The following GDA variants were observed in gnomAD, a reference collection of about 807,000 sequenced individuals.
GDA encodes the protein guanine deaminase.
A neutral mutation model predicts 59.6 loss-of-function variants in GDA; 18 were observed. The ratio of observed to expected loss-of-function variants is 0.30; its 90% CI spans 0.21 to 0.45. The LOEUF is 0.45. Ranked by LOEUF, GDA falls within the 20% of genes least tolerant of loss-of-function variation. The pLI is 1.00. For missense variants in GDA, 427 were observed against 552.3 expected (o/e 0.77, Z 2.27); for synonymous variants, 201 against 201.1 (o/e 1.00, Z 0.00).
In GDA at chr9:72,198,262, G is replaced by A. The variant is rs1239111869; in HGVS notation, c.212+2674G>A. Among the ~76,000 whole-genome samples the A allele has an allele frequency of 4.6e-5, 7 of 151,330 alleles. No individual in the cohort carries two copies. The South Asian group carries it at 6.3e-4, about 14-fold the overall frequency. Reference sequence around the variant, plus strand: ...TACAAAAATTAGCCAGGTGTGGGCCGGGTGCGGTGGCTCACACCTGTAATC... The same window carrying A: ...TACAAAAATTAGCCAGGTGTGGGCCAGGTGCGGTGGCTCACACCTGTAATC... On this transcript the variant is annotated intron_variant, in intron 2 of 13. Transcript: ENST00000358399.
intron 9 of GDA, among the ~76,000 whole-genome samples, chr9:72,230,033 C>A (rs1838137595): frequency 6.6e-6 from 1 of 152,204 alleles, no homozygotes; most frequent in African/African-American, 2.4e-5. Flanking sequence ...GGACACATTT[C>A]TGTTTAAATG....
intron 1 of GDA, among the ~76,000 whole-genome samples, chr9:72,190,579 T>C (rs373448173): frequency 2.6e-5 from 4 of 152,236 alleles, no homozygotes; most frequent in African/African-American, 9.6e-5. Flanking sequence ...GTTAAGTTTC[T>C]GGGAAGTCAA....
intron 2 of GDA, among the ~76,000 whole-genome samples, chr9:72,199,677 T>A (rs1833688465): frequency 6.6e-6 from 1 of 152,202 alleles, no homozygotes; most frequent in Non-Finnish European, 1.5e-5. Context: ...AAGAGCTAAA[T>A]CTTTCCAAAA....
intron 2 of GDA, chr9:72,197,614 C>T (rs1263947716): frequency 6.6e-6 from 1 of 151,906 alleles, no homozygotes; most frequent in East Asian, 1.9e-4. Context: ...GAAATTAAAT[C>T]CATCAGAAAT....
chr9:72,132,271 C>T (rs1433857821), intron 1 of GDA, among the ~76,000 whole-genome samples: 1 of 152,106 alleles, frequency 6.6e-6, no homozygotes, highest in East Asian at 1.9e-4. Context: ...GGTGCCCAAC[C>T]ACGGTGGGGT....
chr9:72,233,159 A>G (rs977003368), intron 10 of GDA, among the ~76,000 whole-genome samples: 3 of 152,220 alleles, frequency 2.0e-5, no homozygotes, highest in Non-Finnish European at 4.4e-5. Context: ...AGATTATTAT[A>G]CCTCATACTA....
At chr9:72,236,693 T>C (rs1355753835) in intron 10 of GDA, among the ~76,000 whole-genome samples, 1 of 152,090 alleles carries the variant, frequency 6.6e-6, no homozygotes, top group Non-Finnish European at 1.5e-5. Context: ...GTATCATCAG[T>C]GTCTCCTTCC....
rs192814430 is a variant in GDA, at chr9:72,180,396, T to C, written c.124-15104T>C. The stretch of plus-strand genomic sequence containing the variant: ...TAACAAAGGCCCAAAGGAATAGGCT[T>C]GTGTAGGGAGTACTTTTGTGTGTGC... On this transcript the variant is annotated intron_variant, in intron 1 of 13. Coordinates refer to ENST00000358399, the MANE Select transcript of GDA (RefSeq NM_004293.5). Among the ~76,000 whole-genome samples, 17 of 152,128 alleles carry C rather than the reference T, an allele frequency of 1.1e-4. No individual in the cohort carries two copies. The East Asian group carries it at 3.3e-3, about 29-fold the overall frequency.
chr9:72,192,160 C>T (rs1832626489), intron 1 of GDA, among the ~76,000 whole-genome samples: 1 of 145,986 alleles, frequency 6.8e-6, no homozygotes, highest in African/African-American at 2.6e-5. Context: ...ATCCTATAGG[C>T]TTGCTTCATT....
intron 1 of GDA, among the ~76,000 whole-genome samples, chr9:72,124,355 A>T (rs1825775584): frequency 1.3e-5 from 2 of 152,226 alleles, no homozygotes; most frequent in African/African-American, 4.8e-5. Flanking sequence ...TTTATGTGTC[A>T]CCAAGAAAGC....
chr9:72,219,785 T>C (rs553126989), intron 6 of GDA, among the ~76,000 whole-genome samples: 2 of 152,188 alleles, frequency 1.3e-5, no homozygotes, highest in Non-Finnish European at 2.9e-5. Context: ...TGTTTATTGA[T>C]TATTAGAATC....
chr9:72,136,989 A>G (rs1826249987), intron 1 of GDA, among the ~76,000 whole-genome samples: 1 of 148,330 alleles, frequency 6.7e-6, no homozygotes, highest in South Asian at 2.1e-4. Flanking sequence ...TCTCAAAAAG[A>G]AAACAACAAC....
At position 72,247,440 on chromosome 9, in the gene GDA, A is replaced by G. The variant is rs372205159; in HGVS notation, c.1294+7A>G. On this transcript the variant is annotated splice_region_variant and intron_variant, in intron 13 of 13. Transcript: ENST00000358399. The stretch of plus-strand genomic sequence containing the variant: ...CAGAAGTTCCTCTATCTAGGTAGGT[A>G]GATGCATGTCTCTATGCTAAATATT... 1.4e-6 allele frequency: 2 copies of G among 1,413,832 alleles called. No individual in the cohort carries two copies. The highest frequency in any genetic ancestry group is 2.0e-6 in the Non-Finnish European group (2 of 997,760). 87.6% of individuals were successfully genotyped at this position (1,413,832 alleles called of 1,614,324 possible). A position where few individuals can be genotyped will look rare whatever the true frequency, so the allele number is the denominator to read the frequency against.
At chr9:72,204,230 G>T (rs1485797162) in intron 3 of GDA, among the ~76,000 whole-genome samples, 1 of 152,176 alleles carries the variant, frequency 6.6e-6, no homozygotes, top group Non-Finnish European at 1.5e-5. Flanking sequence ...AAGGACTAAA[G>T]CTATGTATAA....
chr9:72,234,939 A>G (rs1245917721), intron 10 of GDA, among the ~76,000 whole-genome samples: 1 of 152,190 alleles, frequency 6.6e-6, no homozygotes, highest in East Asian at 1.9e-4. Flanking sequence ...TTTATGTAGG[A>G]AGGCAACAAA....
chr9:72,114,775 A>T (rs1244337834), exon 1 of GDA: 1 of 152,288 alleles, frequency 6.6e-6, no homozygotes, highest in Non-Finnish European at 1.5e-5. Flanking sequence ...CAGCAGCCCA[A>T]CTCAGAAGAA....
At chr9:72,240,695 G>C (rs970618853) in intron 10 of GDA, among the ~76,000 whole-genome samples, 1 of 152,096 alleles carries the variant, frequency 6.6e-6, no homozygotes, top group African/African-American at 2.4e-5. Context: ...ACAGGGAGAA[G>C]AGAAGAAGGC....
intron 10 of GDA, among the ~76,000 whole-genome samples, chr9:72,233,575 C>T (rs533981875): frequency 4.6e-5 from 7 of 152,250 alleles, no homozygotes; most frequent in East Asian, 3.9e-4. Flanking sequence ...GTTAAATATA[C>T]GTCTACATAT....
At chr9:72,154,756 TG>T (rs1200984178) in intron 1 of GDA, among the ~76,000 whole-genome samples, 1 of 152,224 alleles carries the variant, frequency 6.6e-6, no homozygotes, top group East Asian at 1.9e-4. Context: ...TGAATTAGTA[TG>T]GGGCAAAGGC....
Sources: allele counts gnomAD v4.1 joint callset (sites outside exome capture counted in the v4.1 genomes callset), GRCh38; gene constraint gnomAD v4.1.1; transcripts MANE v1.5; gene names NCBI Gene and HGNC (gene_info 2026-07-23, HGNC 2026-07-21).